SCML4: variants seen among roughly 807,000 people sequenced by gnomAD.
SCML4 encodes Scm polycomb group protein like 4.
Under a neutral mutation model 41.1 loss-of-function variants are expected in SCML4, and 34 were observed. That is an observed-to-expected ratio of 0.83 (90% CI 0.63 to 1.10). SCML4 has a LOEUF of 1.10. SCML4 is among the 50% of genes least tolerant of loss of function. The probability of loss-of-function intolerance (pLI) is 0.00; values close to 1 mark genes in which losing one functional copy is unlikely to be tolerated. For synonymous variants in SCML4, 214 were observed against 220.9 expected (o/e 0.97, Z 0.28); for missense variants, 522 against 534.1 (o/e 0.98, Z 0.22).
At chr6:107,721,060 G>A (rs1006185867) in intron 5 of SCML4, 67 bp from the exon 6 acceptor site, 24 of 1,508,962 alleles carry the variant, frequency 1.6e-5, no homozygotes, top group Admixed American at 4.4e-5. Flanking sequence ...CAGACCCTCC[G>A]TCTTGGCAAA....
At chr6:107,832,056 C>T in the SCML4 span, among the ~76,000 whole-genome samples, 1 of 108,248 alleles carries the variant, frequency 9.2e-6, no homozygotes, top group Admixed American at 1.1e-4. Context: ...GAGGGAGACT[C>T]TGTCTCAAAA....
At chr6:107,823,083 A>C (rs1008069304) in intron 1 of SCML4, among the ~76,000 whole-genome samples, 5 of 152,164 alleles carry the variant, frequency 3.3e-5, no homozygotes, top group African/African-American at 1.2e-4. Context: ...CTCTGGTTGA[A>C]AAGAAAGAAA....
intron 1 of SCML4, among the ~76,000 whole-genome samples, chr6:107,774,029 C>T (rs137934587): frequency 4.6e-5 from 7 of 152,168 alleles, no homozygotes; most frequent in Non-Finnish European, 8.8e-5. Flanking sequence ...TGAATATGAG[C>T]AGTATTCTAT....
the SCML4 span, among the ~76,000 whole-genome samples, chr6:107,829,667 T>C: frequency 1.3e-5 from 2 of 152,148 alleles, no homozygotes; most frequent in African/African-American, 4.8e-5. Flanking sequence ...GACAGGTTGA[T>C]AGGTGCAGCA....
chr6:107,715,741 C>T (rs867262080), intron 6 of SCML4, among the ~76,000 whole-genome samples: 5 of 152,190 alleles, frequency 3.3e-5, no homozygotes, highest in African/African-American at 9.6e-5. Flanking sequence ...AGGTAAGTAC[C>T]GCCAGAGAGA....
intron 1 of SCML4, among the ~76,000 whole-genome samples, chr6:107,776,022 A>AT (rs1447353506): frequency 1.3e-5 from 2 of 152,260 alleles, no homozygotes; most frequent in East Asian, 3.9e-4. Flanking sequence ...TTAAATATAC[A>AT]TAAAAAAAGA....
At chr6:107,812,177 G>A (rs1013231138) in intron 1 of SCML4, among the ~76,000 whole-genome samples, 9 of 152,148 alleles carry the variant, frequency 5.9e-5, no homozygotes, top group African/African-American at 1.2e-4. Context: ...TCTGAAGCCC[G>A]GCTCAAACAT....
At chr6:107,746,529 C>T in intron 4 of SCML4, 160 bp downstream of exon 4, 1 of 608,060 alleles carries the variant, frequency 1.6e-6, no homozygotes, top group Non-Finnish European at 2.9e-6. Context: ...TCCCTGAGCC[C>T]TGAGAGAGGC....
chr6:107,825,920 G>C (rs1030279579), upstream of SCML4, among the ~76,000 whole-genome samples: 6 of 117,516 alleles, frequency 5.1e-5, no homozygotes, highest in African/African-American at 2.0e-4. Context: ...CTGGGTGACA[G>C]AGCGAGACTC....
chr6:107,786,005 T>C (rs1781863979), intron 1 of SCML4, among the ~76,000 whole-genome samples: 1 of 152,104 alleles, frequency 6.6e-6, no homozygotes, highest in African/African-American at 2.4e-5. Context: ...CTAGAGGACA[T>C]CTAGGACAGC....
chr6:107,779,539 A>G (rs1310192327), intron 1 of SCML4, among the ~76,000 whole-genome samples: 1 of 152,186 alleles, frequency 6.6e-6, no homozygotes, highest in East Asian at 1.9e-4. Flanking sequence ...GGTAGCTTTA[A>G]GGATGCCTAG....
intron 1 of SCML4, among the ~76,000 whole-genome samples, chr6:107,815,134 G>T (rs1271095874): frequency 6.6e-6 from 1 of 152,162 alleles, no homozygotes; most frequent in East Asian, 1.9e-4. Context: ...GGCAGGAGAA[G>T]GTAAAATGAC....
At chr6:107,736,107 C>T (rs1342865824) in intron 5 of SCML4, among the ~76,000 whole-genome samples, 2 of 152,174 alleles carry the variant, frequency 1.3e-5, no homozygotes, top group African/African-American at 4.8e-5. Context: ...TGTGCCTGCC[C>T]CGTGGTTGTC....
chr6:107,731,732 A>G (rs944956364), intron 5 of SCML4, among the ~76,000 whole-genome samples: 2 of 152,248 alleles, frequency 1.3e-5, no homozygotes, highest in African/African-American at 4.8e-5. Flanking sequence ...AGATGGCAAC[A>G]TCAGAGATTC....
intron 2 of SCML4, among the ~76,000 whole-genome samples, chr6:107,766,359 G>A (rs1228876915): frequency 1.0e-4 from 14 of 138,548 alleles, no homozygotes; most frequent in African/African-American, 4.0e-4. Flanking sequence ...AATAATGTGA[G>A]ACTCCGTCTC....
At chr6:107,803,207 G>A (rs1276093602) in intron 1 of SCML4, among the ~76,000 whole-genome samples, 8 of 126,126 alleles carry the variant, frequency 6.3e-5, no homozygotes, top group South Asian at 2.8e-4. Context: ...GCCGCCCATC[G>A]TCTGAGATGT....
chr6:107,748,835 G>A (rs937765878), intron 3 of SCML4, among the ~76,000 whole-genome samples: 7 of 152,170 alleles, frequency 4.6e-5, no homozygotes, highest in Non-Finnish European at 1.0e-4. Flanking sequence ...AAGTTCGTGA[G>A]GACCTTCTGG....
chr6:107,781,252 C>T (rs947101360), intron 1 of SCML4, among the ~76,000 whole-genome samples: 3 of 152,032 alleles, frequency 2.0e-5, no homozygotes, highest in African/African-American at 7.2e-5. Context: ...TACAAAGAAA[C>T]TGAAAGTAAA....
chr6:107,800,760 A>G (rs1426765030), intron 1 of SCML4, among the ~76,000 whole-genome samples: 1 of 152,186 alleles, frequency 6.6e-6, no homozygotes, highest in Admixed American at 6.5e-5. Flanking sequence ...GGTCCTGTCA[A>G]TAGAGGGCAT....
Sources: allele counts gnomAD v4.1 joint callset (sites outside exome capture counted in the v4.1 genomes callset), GRCh38; gene constraint gnomAD v4.1.1; transcripts MANE v1.5; gene names NCBI Gene and HGNC (gene_info 2026-07-23, HGNC 2026-07-21).